ATAD2B: variants seen among roughly 807,000 people sequenced by gnomAD.
ATAD2B encodes the protein ATPase family AAA domain containing 2B.
In ATAD2B, 40 loss-of-function variants were observed where a neutral mutation model predicts 167.6. The observed-to-expected ratio is 0.24, with a 90% confidence interval of 0.19 to 0.31. The LOEUF (loss-of-function observed/expected upper bound fraction) is 0.31, where lower values mean the gene tolerates loss of function less well. ATAD2B is among the 10% of genes least tolerant of loss of function. The pLI is 1.00. For missense variants in ATAD2B, 1,242 were observed against 1,757.2 expected, an observed-to-expected ratio of 0.71 and a Z score of 5.24; for synonymous variants, 579 against 596.5, an observed-to-expected ratio of 0.97 and a Z score of 0.43.
chr2:23,723,828 C>T, the ATAD2B span, among the ~76,000 whole-genome samples: 2 of 152,186 alleles, frequency 1.3e-5, no homozygotes, highest in Non-Finnish European at 2.9e-5. Flanking sequence ...TTTGTTGCAG[C>T]ACTATTCACA....
intron 2 of ATAD2B, among the ~76,000 whole-genome samples, chr2:23,892,697 T>C (rs1386166954): frequency 1.3e-5 from 2 of 151,638 alleles, no homozygotes; most frequent in African/African-American, 2.4e-5. Context: ...CTCCAACTCC[T>C]GGCCTCAAGT....
At chr2:23,862,433 CAG>C (rs1424057991) in intron 12 of ATAD2B, among the ~76,000 whole-genome samples, 1 of 96,296 alleles carries the variant, frequency 1.0e-5, no homozygotes, top group Non-Finnish European at 1.8e-5. Flanking sequence ...TTTTGAGAGA[CAG>C]AGTCTCACTC....
the ATAD2B span, among the ~76,000 whole-genome samples, chr2:23,680,067 T>C: frequency 6.6e-6 from 1 of 152,072 alleles, no homozygotes; most frequent in African/African-American, 2.4e-5. The surrounding 1 kb of genome is among the most constrained non-coding windows in gnomAD (Gnocchi z 4.1). Flanking sequence ...CCAGTGGCTG[T>C]GAGGATGCAG....
At chr2:23,709,508 C>G in the ATAD2B span, among the ~76,000 whole-genome samples, 1 of 152,220 alleles carries the variant, frequency 6.6e-6, no homozygotes, top group African/African-American at 2.4e-5. Context: ...ATGGGAGCAC[C>G]TGTCCTCTGG....
At chr2:23,900,164 C>T (rs1700648866) in intron 1 of ATAD2B, among the ~76,000 whole-genome samples, 1 of 151,982 alleles carries the variant, frequency 6.6e-6, no homozygotes, top group Non-Finnish European at 1.5e-5. Context: ...GATCTGCCAG[C>T]CTCGGCCTCC....
At chr2:23,731,083 G>C in the ATAD2B span, among the ~76,000 whole-genome samples, 1 of 152,058 alleles carries the variant, frequency 6.6e-6, no homozygotes, top group Admixed American at 6.5e-5. Flanking sequence ...GACAAAAATG[G>C]AACCATTTTA....
At chr2:23,711,024 A>G in the ATAD2B span, among the ~76,000 whole-genome samples, 1 of 152,210 alleles carries the variant, frequency 6.6e-6, no homozygotes, top group Admixed American at 6.5e-5. Context: ...GAGACAGGTA[A>G]TACTAAAGAC....
chr2:23,867,174 A>C (rs116672135), intron 10 of ATAD2B, among the ~76,000 whole-genome samples: 5,850 of 152,220 alleles, frequency 0.038, 110 homozygotes, highest in South Asian at 0.046. Context: ...CAACTAATTA[A>C]ATCATCTTCC....
chr2:23,783,986 T>TA (rs1377587946), intron 21 of ATAD2B, among the ~76,000 whole-genome samples: 3 of 152,142 alleles, frequency 2.0e-5, no homozygotes, highest in East Asian at 3.9e-4. Flanking sequence ...GGATTACTTA[T>TA]AAAAAATATT....
intron 20 of ATAD2B, among the ~76,000 whole-genome samples, chr2:23,786,591 C>G (rs1558530771): frequency 6.6e-6 from 1 of 152,156 alleles, no homozygotes; most frequent in African/African-American, 2.4e-5. Context: ...CAGTATTATA[C>G]TTTTATGAGG....
intron 9 of ATAD2B, among the ~76,000 whole-genome samples, chr2:23,868,931 A>C (rs1233208467): frequency 1.3e-5 from 2 of 152,222 alleles, no homozygotes; most frequent in African/African-American, 4.8e-5. Context: ...ATCAAAGTAG[A>C]TTATCAGAAT....
chr2:23,922,618 G>A (rs1332433475), intron 1 of ATAD2B, among the ~76,000 whole-genome samples: 3 of 147,996 alleles, frequency 2.0e-5, no homozygotes, highest in African/African-American at 2.5e-5. Context: ...TCCAAAGGAA[G>A]AAAACATTTT....
chr2:23,782,807 T>C (rs1442294047), intron 22 of ATAD2B, 62 bp downstream of exon 22: 2 of 1,421,080 alleles, frequency 1.4e-6, no homozygotes, highest in Admixed American at 2.1e-5. Flanking sequence ...TGACTTAGTA[T>C]TTAAACGGTA....
intron 24 of ATAD2B, among the ~76,000 whole-genome samples, chr2:23,760,731 T>TACACAC (rs1558494284): frequency 2.0e-4 from 16 of 81,756 alleles, no homozygotes; most frequent in African/African-American, 5.9e-4. Context: ...CACACACACA[T>TACACAC]ATACACACAC....
intron 3 of ATAD2B, among the ~76,000 whole-genome samples, 172 bp from the exon 4 acceptor site, chr2:23,888,157 A>G (rs1170441579): frequency 6.6e-6 from 1 of 152,214 alleles, no homozygotes; most frequent in Non-Finnish European, 1.5e-5. Flanking sequence ...TCTGTCATAA[A>G]TAATTTAAAT....
At chr2:23,852,254 A>C (rs889103178) in intron 13 of ATAD2B, among the ~76,000 whole-genome samples, 3 of 152,146 alleles carry the variant, frequency 2.0e-5, no homozygotes, top group Non-Finnish European at 4.4e-5. Context: ...AACTTACACA[A>C]ACACTTTCAG....
At chr2:23,826,052 G>C (rs1688203060) in intron 15 of ATAD2B, among the ~76,000 whole-genome samples, 1 of 151,998 alleles carries the variant, frequency 6.6e-6, no homozygotes, top group Admixed American at 6.6e-5. Context: ...TTATATCTGT[G>C]GTTCTCACCT....
intron 19 of ATAD2B, among the ~76,000 whole-genome samples, chr2:23,793,110 C>A (rs1035712519): frequency 3.3e-5 from 5 of 151,728 alleles, no homozygotes; most frequent in African/African-American, 1.2e-4. Context: ...TTTCAATGCC[C>A]CTACTTGATT....
At chr2:23,841,373 C>T (rs546521780) in intron 13 of ATAD2B, among the ~76,000 whole-genome samples, 1 of 152,214 alleles carries the variant, frequency 6.6e-6, no homozygotes, top group South Asian at 2.1e-4. Flanking sequence ...TTAGTATTTA[C>T]GTGATATAAT....
Sources: allele counts gnomAD v4.1 joint callset (sites outside exome capture counted in the v4.1 genomes callset), GRCh38; gene constraint gnomAD v4.1.1; non-coding constraint Gnocchi (gnomAD v3.1); transcripts MANE v1.5; gene names NCBI Gene and HGNC (gene_info 2026-07-23, HGNC 2026-07-21).